The following HTR2B variants were observed in gnomAD, a reference collection of about 807,000 sequenced individuals.
HTR2B encodes 5-hydroxytryptamine receptor 2B, also known as 5-HT 2B receptor.
HTR2B carries 31 observed loss-of-function variants against 39.8 expected under a neutral mutation model. That is an observed-to-expected ratio of 0.78 (90% CI 0.58 to 1.05). The LOEUF (loss-of-function observed/expected upper bound fraction) is 1.05. HTR2B is among the 50% of genes least tolerant of loss of function. The pLI is 0.00. For synonymous variants in HTR2B, 210 were observed against 207.1 expected, an observed-to-expected ratio of 1.01 and a Z score of -0.12; for missense variants, 562 against 578.0, an observed-to-expected ratio of 0.97 and a Z score of 0.28.
rs61731727 is a variant in HTR2B at position 231,123,674 on chromosome 2, A to G, written c.91T>C (p.Trp31Arg). The G allele has an allele frequency of 3.0e-3, 4,763 of 1,614,070 alleles. 136 individuals are homozygous for G. In the African/African-American group the frequency reaches 0.056, roughly 19 times the overall value. ...ATTGATTCTGTCTGTAATCCAGACC[A>G]GTTAGAAGAGATAACGTGAACAAAG... ...STFVHVISSN[W>R]SGLQTESIPE... Residue 31 changes from tryptophan (W) to arginine (R), a missense_variant, in exon 2 of 4, where the codon TGG (tryptophan) becomes CGG (arginine). Trp to Arg is a moderately radical substitution (Grantham distance 101). Coordinates refer to ENST00000258400, the MANE Select transcript of HTR2B (RefSeq NM_000867.5).
chr2:231,108,896 G>A lies in HTR2B; in HGVS notation c.1067C>T (p.Thr356Ile). Residue 356 changes from threonine to isoleucine, a missense_variant, in exon 4 of 4, where the codon ACT becomes ATT. Coordinates refer to ENST00000258400, the MANE Select transcript of HTR2B (RefSeq NM_000867.5). The stretch of plus-strand genomic sequence containing the variant: ...TATCTCCAGGAGCATTTGGAGAGTA[G>A]TTTGGTTACAGGAATCACATAAAAC... ...TLVLCDSCNQ[T>I]TLQMLLEIFV... 1 of 1,614,116 alleles carries A rather than the reference G, an allele frequency of 6.2e-7. No individual in the cohort carries two copies. The highest frequency in any genetic ancestry group is 8.5e-7 in the Non-Finnish European group (1 of 1,179,992).
chr2:231,122,645 G>A (rs918158915), intron 2 of HTR2B, among the ~76,000 whole-genome samples: 1 of 152,088 alleles, frequency 6.6e-6, no homozygotes, highest in African/African-American at 2.4e-5. Flanking sequence ...ATGATATGCA[G>A]AAATCTGGAA....
In HTR2B at chr2:231,108,851, A is replaced by G. The variant is rs1236482671; in HGVS notation, c.1112T>C (p.Val371Ala). 1 of 1,614,202 alleles carries G rather than the reference A, an allele frequency of 6.2e-7. No homozygotes were observed. The highest frequency in any genetic ancestry group is 8.5e-7 in the Non-Finnish European group (1 of 1,180,032). ...LLEIFVWIGY[V>A]SSGVNPLVYT... ...GACCAAAGGATTCACTCCTGAGGAA[A>G]CATAGCCTATCCACACAAATATCTC... The change falls in exon 4 of 4, where the codon GTT becomes GCT. Residue 371 changes from valine to alanine, a missense_variant. Val to Ala is a moderately conservative substitution (Grantham distance 64, BLOSUM62 0). Transcript: ENST00000258400.
chr2:231,118,956 T>C (rs1695439518), intron 2 of HTR2B, among the ~76,000 whole-genome samples: 1 of 151,596 alleles, frequency 6.6e-6, no homozygotes, highest in Non-Finnish European at 1.5e-5. Flanking sequence ...GAAATTCTAA[T>C]GCTTCTGTCT....
intron 2 of HTR2B, among the ~76,000 whole-genome samples, chr2:231,119,431 G>A (rs1185626066): frequency 6.6e-6 from 1 of 152,148 alleles, no homozygotes; most frequent in Non-Finnish European, 1.5e-5. Context: ...GAAATAATAA[G>A]TGACTTGCCT....
intron 2 of HTR2B, among the ~76,000 whole-genome samples, chr2:231,115,657 T>C (rs1213841706): frequency 6.6e-6 from 1 of 152,082 alleles, no homozygotes; most frequent in Non-Finnish European, 1.5e-5. Context: ...ACCTTAGAGA[T>C]TACCATTGAT....
chr2:231,123,825 G>C lies in HTR2B; in HGVS notation c.-61C>G. 7.9e-7 allele frequency: 1 copy of C among 1,267,020 alleles called. No individual in the cohort carries two copies. The highest frequency in any genetic ancestry group is 1.2e-6 in the Non-Finnish European group (1 of 865,244). 78.5% of individuals were successfully genotyped at this position (1,267,020 alleles called of 1,614,324 possible). A position where few individuals can be genotyped will look rare whatever the true frequency, so the allele number is the denominator to read the frequency against. ...AGTGGTCAGCATGGTTAGTAGCTAAGCTGCTCATCTGTTTTTTTAAGGCAT... is the reference window on the plus strand; with the variant it reads ...AGTGGTCAGCATGGTTAGTAGCTAACCTGCTCATCTGTTTTTTTAAGGCAT... On this transcript the variant is annotated 5_prime_UTR_variant, in exon 2 of 4. Transcript: ENST00000258400.
intron 2 of HTR2B, among the ~76,000 whole-genome samples, chr2:231,120,111 C>T (rs1695486771): frequency 1.3e-5 from 2 of 151,898 alleles, no homozygotes; most frequent in African/African-American, 2.4e-5. Context: ...ACCACCATGC[C>T]CAGCTAATTT....
Position 231,123,771 on chromosome 2 carries a change from T to A in HTR2B, c.-7A>T. The A allele has an allele frequency of 6.2e-7, 1 of 1,605,222 alleles. No individual in the cohort carries two copies. On this transcript the variant is annotated 5_prime_UTR_variant, in exon 2 of 4. Coordinates refer to ENST00000258400, the MANE Select transcript of HTR2B (RefSeq NM_000867.5). ...CTCTGTAAGAGAGAGCCATTTGCTG[T>A]TTTTCTGTGATTCAATCCCGTTCCG...
intron 2 of HTR2B, among the ~76,000 whole-genome samples, chr2:231,115,071 A>G (rs921211483): frequency 2.6e-5 from 4 of 152,122 alleles, no homozygotes; most frequent in African/African-American, 4.8e-5. Context: ...AGTGATTGTC[A>G]TAATTGAAGG....
chr2:231,113,394 A>G (rs1461658219), intron 3 of HTR2B, among the ~76,000 whole-genome samples: 1 of 152,230 alleles, frequency 6.6e-6, no homozygotes, highest in Non-Finnish European at 1.5e-5. Flanking sequence ...TCCAAATGCT[A>G]GCTAGACCAT....
intron 3 of HTR2B, 75 bp downstream of exon 3, chr2:231,113,654 C>T: frequency 7.6e-7 from 1 of 1,313,844 alleles, no homozygotes; most frequent in South Asian, 1.2e-5. Flanking sequence ...CATTGCCTAC[C>T]AGACCTGGTA....
In HTR2B at chr2:231,113,809, T is replaced by C; in HGVS notation, c.473A>G (p.Lys158Arg). The C allele has an allele frequency of 1.2e-6, 2 of 1,614,180 alleles. No individual in the cohort carries two copies. The highest frequency in any genetic ancestry group is 1.7e-6 in the Non-Finnish European group (2 of 1,180,012). Reference protein sequence around the residue: ...AISVDRYIAIKKPIQANQYNS... With the variant: ...AISVDRYIAIRKPIQANQYNS... ...ATATTGATTGGCCTGGATTGGCTTT[T>C]TGATGGCTATGTAACGATCCACTGA... is the stretch of plus-strand genomic sequence containing the variant. The change falls in exon 3 of 4, where the codon AAA becomes AGA. Residue 158 changes from lysine (K) to arginine (R), a missense_variant. Transcript: ENST00000258400.
chr2:231,113,672 A>T, intron 3 of HTR2B, 57 bp downstream of exon 3: 1 of 1,483,006 alleles, frequency 6.7e-7, no homozygotes, highest in Non-Finnish European at 9.4e-7. Context: ...GTATTCTCCT[A>T]GCCAAGTGGA....
At chr2:231,121,932 T>A (rs537864182) in intron 2 of HTR2B, among the ~76,000 whole-genome samples, 1 of 152,278 alleles carries the variant, frequency 6.6e-6, no homozygotes, top group African/African-American at 2.4e-5. Flanking sequence ...AAGCTACTAT[T>A]ATGCACATGG....
In HTR2B at chr2:231,123,853, T is replaced by A; in HGVS notation, c.-89A>T. On this transcript the variant is annotated 5_prime_UTR_variant, in exon 2 of 4. Transcript: ENST00000258400. ...GCTCATCTGTTTTTTTAAGGCATTGTAACCATGCCAAACACTCAAAAGCCA... is the reference window on the plus strand; with the variant it reads ...GCTCATCTGTTTTTTTAAGGCATTGAAACCATGCCAAACACTCAAAAGCCA... 2 of 1,068,560 alleles carry A rather than the reference T, an allele frequency of 1.9e-6. No individual in the cohort carries two copies. The highest frequency in any genetic ancestry group is 2.9e-6 in the Non-Finnish European group (2 of 689,542). 66.2% of individuals were successfully genotyped at this position (1,068,560 alleles called of 1,614,324 possible).
In HTR2B at chr2:231,123,819, A is replaced by G. The variant is rs1695643090; in HGVS notation, c.-55T>C. 9 of 1,308,256 alleles carry G rather than the reference A, an allele frequency of 6.9e-6. No homozygotes were observed. The highest frequency in any genetic ancestry group is 1.0e-5 in the Non-Finnish European group (9 of 902,356). 81.0% of individuals were successfully genotyped at this position (1,308,256 alleles called of 1,614,324 possible). A position where few individuals can be genotyped will look rare whatever the true frequency, so the allele number is the denominator to read the frequency against. Reference sequence around the variant, plus strand: ...CCGAACAGTGGTCAGCATGGTTAGTAGCTAAGCTGCTCATCTGTTTTTTTA... The same window carrying G: ...CCGAACAGTGGTCAGCATGGTTAGTGGCTAAGCTGCTCATCTGTTTTTTTA... On this transcript the variant is annotated 5_prime_UTR_variant, in exon 2 of 4. Transcript: ENST00000258400.
chr2:231,114,261 G>T (rs1192537758), intron 2 of HTR2B, among the ~76,000 whole-genome samples: 2 of 152,020 alleles, frequency 1.3e-5, no homozygotes, highest in Non-Finnish European at 2.9e-5. Flanking sequence ...ATTGTGACTG[G>T]AACTTAACCT....
At chr2:231,112,928 G>A (rs1431665927) in intron 3 of HTR2B, among the ~76,000 whole-genome samples, 1 of 152,128 alleles carries the variant, frequency 6.6e-6, no homozygotes, top group Non-Finnish European at 1.5e-5. Flanking sequence ...ACTTTGGGAG[G>A]CTGGGGCAGG....
Sources: gnomAD v4.1 joint callset for allele counts (sites outside exome capture counted in the v4.1 genomes callset) on GRCh38, gnomAD v4.1.1 for gene constraint, MANE v1.5 for transcripts, NCBI Gene and HGNC (gene_info 2026-07-23, HGNC 2026-07-21) for gene names.